HEATR6: variants seen among roughly 807,000 people sequenced by gnomAD.
HEATR6 encodes HEAT repeat containing 6.
HEATR6 carries 106 observed loss-of-function variants against 132.8 expected under a neutral mutation model. The observed-to-expected ratio is 0.80, with a 90% CI of 0.68 to 0.94. The LOEUF (loss-of-function observed/expected upper bound fraction) is 0.94. Among genes scored for constraint, HEATR6 ranks in the 40% least tolerant of loss-of-function variants. HEATR6 has a pLI of 0.00. For missense variants in HEATR6, 1,339 were observed against 1,425.1 expected, an observed-to-expected ratio of 0.94 and a Z score of 0.97; for synonymous variants, 529 against 537.8, an observed-to-expected ratio of 0.98 and a Z score of 0.23.
At chr17:60,054,175 G>A (rs1410745720) in intron 14 of HEATR6, among the ~76,000 whole-genome samples, 3 of 152,224 alleles carry the variant, frequency 2.0e-5, no homozygotes, top group Admixed American at 6.5e-5. Context: ...GGCTCAAAGG[G>A]CCCCAGATAC....
intron 14 of HEATR6, among the ~76,000 whole-genome samples, chr17:60,052,000 C>G (rs1254011646): frequency 6.6e-6 from 1 of 152,208 alleles, no homozygotes; most frequent in Non-Finnish European, 1.5e-5. Flanking sequence ...CACGAAACCT[C>G]CAAAGCTAGG....
chr17:60,059,276 C>T (rs1240411080), intron 11 of HEATR6, 146 bp downstream of exon 11: 4 of 515,868 alleles, frequency 7.8e-6, no homozygotes, highest in Non-Finnish European at 1.3e-5. Context: ...GCTTATACCC[C>T]TGAAAAGTTG....
intron 14 of HEATR6, among the ~76,000 whole-genome samples, chr17:60,051,777 C>A (rs927222361): frequency 2.6e-5 from 4 of 152,148 alleles, no homozygotes; most frequent in Admixed American, 1.3e-4. Flanking sequence ...GTATGTCATG[C>A]ACCAGTTCTG....
intron 7 of HEATR6, 54 bp downstream of exon 7, chr17:60,069,657 C>T (rs2083260682): frequency 2.6e-6 from 4 of 1,544,280 alleles, no homozygotes; most frequent in Admixed American, 3.4e-5. Flanking sequence ...AAAACACACA[C>T]AACAATCTAT....
At chr17:60,048,859 C>A (rs1906459455) in intron 16 of HEATR6, among the ~76,000 whole-genome samples, 1 of 151,474 alleles carries the variant, frequency 6.6e-6, no homozygotes. Context: ...TGATGACTAC[C>A]ACCTGGTAAT....
chr17:60,050,882 G>C lies in HEATR6; in HGVS notation c.2385C>G (p.Ala795=), dbSNP rs115974060. The C allele has an allele frequency of 1.2e-6, 2 of 1,614,190 alleles. No homozygotes were observed. Among genetic ancestry groups the C allele is most frequent in the East Asian group, 2.2e-5 (1 of 44,890 alleles). Residue 795 remains alanine, a synonymous_variant, in exon 15 of 20, where the codon GCC becomes GCG. Transcript: ENST00000184956. ...AGGCCTCTGGCAAGATGGAAGACAG[G>C]GCATCACAGGCGCTCGCCTGGAGAG... ...HPTLQASACD[A]LSSILPEAFS... is the part of the protein sequence containing the mutation.
At chr17:60,044,715 C>T (rs371937950) in intron 19 of HEATR6, among the ~76,000 whole-genome samples, 161 of 152,370 alleles carry the variant, frequency 1.1e-3, no homozygotes, top group African/African-American at 3.6e-3. Context: ...ACCAGAGCTA[C>T]TGCTACCCAC....
Position 60,059,424 on chromosome 17 carries a change from T to C in HEATR6, c.1721A>G (p.Lys574Arg), listed in dbSNP as rs114881501. ...ATCAGTTTTAAGCCACTACAAACCT[T>C]TGTGGCGAATATAAGGCTTTATCTG... ...WNQIKPYIRH[K>R]DVNVRVSSLT... Residue 574 changes from lysine (K) to arginine (R), a missense_variant and splice_region_variant, in exon 11 of 20, where the codon AAA becomes AGA. Physicochemically the swap from Lys to Arg is conservative, Grantham distance 26. Transcript: ENST00000184956. 4.6e-5 allele frequency: 74 copies of C among 1,603,354 alleles called. No homozygotes were observed. The highest frequency in any genetic ancestry group is 4.0e-4 in the South Asian group (36 of 89,982).
Position 60,069,816 on chromosome 17 carries a change from G to GA in HEATR6, c.833_834insT (p.Ile279HisfsTer16), listed in dbSNP as rs1296843448. On this transcript the variant is annotated frameshift_variant, in exon 7 of 20. Coordinates refer to ENST00000184956, the MANE Select transcript of HEATR6 (RefSeq NM_022070.5). LOFTEE classifies it high-confidence loss of function. ...GGTATAACACCGTGGGCATCTCTAT[G>GA]TTTAGTCCAGGGAGTCCGTGAAACA... 2 of 1,613,972 alleles carry GA rather than the reference G, an allele frequency of 1.2e-6. No individual in the cohort carries two copies. Among genetic ancestry groups the GA allele is most frequent in the Non-Finnish European group, 1.7e-6 (2 of 1,179,984 alleles).
chr17:60,057,451 T>TA (rs1359942829), intron 11 of HEATR6, 48 bp from the exon 12 acceptor site: 4 of 1,231,160 alleles, frequency 3.2e-6, no homozygotes. Flanking sequence ...ACAACTACTG[T>TA]AAAGATGGTA....
chr17:60,048,541 A>G (rs988265041), intron 16 of HEATR6, among the ~76,000 whole-genome samples, 153 bp from the exon 17 acceptor site: 3 of 152,082 alleles, frequency 2.0e-5, no homozygotes, highest in Non-Finnish European at 4.4e-5. Context: ...CTGTTCTTAT[A>G]TTTTACAATT....
intron 1 of HEATR6, among the ~76,000 whole-genome samples, chr17:60,078,016 G>A (rs1043221780): frequency 2.0e-5 from 3 of 152,156 alleles, no homozygotes; most frequent in African/African-American, 4.8e-5. Context: ...ACGGGAATGC[G>A]TGTTTGGAGC....
intron 10 of HEATR6, among the ~76,000 whole-genome samples, 164 bp from the exon 11 acceptor site, chr17:60,059,685 G>T (rs894363999): frequency 6.6e-6 from 1 of 152,010 alleles, no homozygotes; most frequent in African/African-American, 2.4e-5. Context: ...TAAAGATAAA[G>T]AAGTATTTTT....
chr17:60,066,080 G>T (rs2083238858), intron 9 of HEATR6, 129 bp downstream of exon 9: 3 of 740,008 alleles, frequency 4.1e-6, no homozygotes, highest in South Asian at 3.5e-5. Flanking sequence ...CTGTCCAGTG[G>T]TCAAGTCGGA....
Position 60,043,456 on chromosome 17 carries a change from T to C in HEATR6, c.*107A>G. 1.0e-6 allele frequency: 1 copy of C among 960,806 alleles called. No homozygotes were observed. The highest frequency in any genetic ancestry group is 1.6e-5 in the South Asian group (1 of 62,784). The allele number at this position is 960,806 out of a possible 1,614,324, so 59.5% of individuals were successfully genotyped here. Reference sequence around the variant, plus strand: ...TGGCTGCTAAGTCATTCTAAATAAATAGTGAACGGATTGTTTCTGCCCCTA... The same window carrying C: ...TGGCTGCTAAGTCATTCTAAATAAACAGTGAACGGATTGTTTCTGCCCCTA... On this transcript the variant is annotated 3_prime_UTR_variant, in exon 20 of 20. Transcript: ENST00000184956.
At chr17:60,060,152 T>C (rs1367686137) in intron 9 of HEATR6, 56 bp from the exon 10 acceptor site, 1 of 1,134,382 alleles carries the variant, frequency 8.8e-7, no homozygotes, top group Non-Finnish European at 1.3e-6. Flanking sequence ...TCAGATTCCC[T>C]TCTTCCTATA....
chr17:60,049,150 T>TGTGTGTGC (rs1308063020), intron 16 of HEATR6, among the ~76,000 whole-genome samples: 2 of 149,776 alleles, frequency 1.3e-5, no homozygotes, highest in African/African-American at 5.0e-5. Flanking sequence ...TGTGTGTGTG[T>TGTGTGTGC]GTGTGTCTGG....
chr17:60,058,534 G>C (rs900523282), intron 11 of HEATR6, among the ~76,000 whole-genome samples: 1 of 152,116 alleles, frequency 6.6e-6, no homozygotes, highest in Non-Finnish European at 1.5e-5. Flanking sequence ...GAAACCTTAG[G>C]GTAAGACTTA....
Position 60,050,886 on chromosome 17 carries a change from T to A in HEATR6, c.2381A>T (p.Asp794Val), listed in dbSNP as rs1272724169. 6.2e-7 allele frequency: 1 copy of A among 1,614,194 alleles called. No homozygotes were observed. The highest frequency in any genetic ancestry group is 1.1e-5 in the South Asian group (1 of 91,084). Residue 794 changes from aspartate (D) to valine (V), a missense_variant, in exon 15 of 20, where the codon GAT becomes GTT. Physicochemically the swap from Asp to Val is radical, Grantham distance 152. Transcript: ENST00000184956. ...EHPTLQASAC[D>V]ALSSILPEAF... ...CTCTGGCAAGATGGAAGACAGGGCA[T>A]CACAGGCGCTCGCCTGGAGAGTTGG...
Sources: gnomAD v4.1 joint callset for allele counts (sites outside exome capture counted in the v4.1 genomes callset) on GRCh38, gnomAD v4.1.1 for gene constraint, MANE v1.5 for transcripts, NCBI Gene and HGNC (gene_info 2026-07-23, HGNC 2026-07-21) for gene names.